PDE4D: variants seen among roughly 807,000 people sequenced by gnomAD.
The protein encoded by PDE4D is phosphodiesterase 4D.
In PDE4D, 24 loss-of-function variants were observed where a neutral mutation model predicts 87.4. That is an observed-to-expected ratio of 0.27 (90% confidence interval 0.20 to 0.39). The LOEUF is 0.39. PDE4D is among the 10% of genes least tolerant of loss of function. The probability of loss-of-function intolerance (pLI) is 1.00; values close to 1 mark genes in which losing one functional copy is unlikely to be tolerated. For synonymous variants in PDE4D, 384 were observed against 383.2 expected (o/e 1.00, Z -0.02); for missense variants, 714 against 1,041.0 (o/e 0.69, Z 4.32).
intron 5 of PDE4D, among the ~76,000 whole-genome samples, chr5:59,080,742 C>T (rs1466216839): frequency 6.6e-6 from 1 of 152,130 alleles, no homozygotes; most frequent in East Asian, 1.9e-4. Flanking sequence ...TGTACCAATC[C>T]TGACAGGTGT....
chr5:59,210,584 T>C (rs1474028989), intron 2 of PDE4D, among the ~76,000 whole-genome samples: 2 of 152,244 alleles, frequency 1.3e-5, no homozygotes, highest in Non-Finnish European at 2.9e-5. Flanking sequence ...ATCTGTATAG[T>C]GCCTGGGGAT....
intron 1 of PDE4D, among the ~76,000 whole-genome samples, chr5:59,489,902 T>C (rs1448419576): frequency 1.3e-5 from 2 of 152,204 alleles, no homozygotes; most frequent in Admixed American, 6.5e-5. Context: ...CTTACACATA[T>C]AGTAATGATA....
chr5:59,644,054 A>C (rs1742051491), intron 1 of PDE4D, among the ~76,000 whole-genome samples: 1 of 152,188 alleles, frequency 6.6e-6, no homozygotes, highest in Non-Finnish European at 1.5e-5. Context: ...GTTTAGATGA[A>C]CATTAAGGGA....
At chr5:60,304,941 A>C (rs1275668046) in intron 1 of PDE4D, among the ~76,000 whole-genome samples, 1 of 151,934 alleles carries the variant, frequency 6.6e-6, no homozygotes. Context: ...GCTGGACCAA[A>C]AAAACCCACT....
chr5:60,492,134 A>C (rs1310404235), upstream of PDE4D, among the ~76,000 whole-genome samples: 3 of 152,152 alleles, frequency 2.0e-5, no homozygotes, highest in Non-Finnish European at 4.4e-5. Context: ...TAAAAAAAAA[A>C]AAAAAAGAAA....
intron 1 of PDE4D, among the ~76,000 whole-genome samples, chr5:59,719,780 G>T (rs1755562130): frequency 6.6e-6 from 1 of 152,156 alleles, no homozygotes; most frequent in Non-Finnish European, 1.5e-5. Context: ...TCAGTGTTAA[G>T]AGATATTTTA....
intron 1 of PDE4D, among the ~76,000 whole-genome samples, chr5:59,668,845 G>GGAAGAAGAAGAAGAAGAAGAAGAAGAA (rs1208323931): frequency 3.2e-5 from 2 of 62,124 alleles, no homozygotes; most frequent in Non-Finnish European, 6.3e-5. Context: ...AAGAGGAAGA[G>GGAAGAAGAAGAAGAAGAAGAAGAAGAA]GAAGAAGAAG....
rs529280531 is a variant in PDE4D, at chr5:59,167,959, A to G, written c.808+12636T>C. 2.6e-5 allele frequency among the ~76,000 whole-genome samples: 4 copies of G among 152,304 alleles called. No homozygotes were observed. In the East Asian group the frequency reaches 7.7e-4, roughly 29 times the overall value. ...GTTCTGTGTTCAATATGCAAACATC[A>G]GAAACATATCCAGAAAAGAATGTCA... On this transcript the variant is annotated intron_variant, in intron 5 of 14. Coordinates refer to ENST00000340635, the MANE Select transcript of PDE4D (RefSeq NM_001104631.2).
intron 1 of PDE4D, among the ~76,000 whole-genome samples, chr5:60,493,777 C>T (rs983121010): frequency 5.9e-5 from 9 of 152,106 alleles, no homozygotes; most frequent in African/African-American, 1.7e-4. Flanking sequence ...ACACCCTTCC[C>T]CAGCACCCAC....
intron 1 of PDE4D, among the ~76,000 whole-genome samples, chr5:60,297,192 C>A (rs1186023523): frequency 6.6e-6 from 1 of 152,032 alleles, no homozygotes; most frequent in Non-Finnish European, 1.5e-5. Flanking sequence ...TAATAAGATT[C>A]AAAATAATTT....
At chr5:59,211,261 C>A (rs1231137236) in intron 2 of PDE4D, among the ~76,000 whole-genome samples, 1 of 152,110 alleles carries the variant, frequency 6.6e-6, no homozygotes, top group African/African-American at 2.4e-5. Context: ...ACTGCATCAT[C>A]TATATTTAAC....
At chr5:59,713,271 G>A (rs1754481720) in intron 1 of PDE4D, among the ~76,000 whole-genome samples, 1 of 152,276 alleles carries the variant, frequency 6.6e-6, no homozygotes, top group Non-Finnish European at 1.5e-5. Context: ...GCAGTCAATA[G>A]GCTGAGGCAG....
chr5:59,216,990 G>T (rs1292933886), intron 1 of PDE4D, among the ~76,000 whole-genome samples: 1 of 152,100 alleles, frequency 6.6e-6, no homozygotes, highest in Non-Finnish European at 1.5e-5. Flanking sequence ...CGTATTCTTG[G>T]CACATTGAAA....
At chr5:59,943,780 C>T (rs1047008592) in intron 3 of PDE4D, among the ~76,000 whole-genome samples, 1 of 152,152 alleles carries the variant, frequency 6.6e-6, no homozygotes, top group Non-Finnish European at 1.5e-5. Context: ...TTCCCTGCCC[C>T]TAAGGAATGA....
In PDE4D at chr5:59,905,555, A is replaced by G. The variant is rs186798203; in HGVS notation, c.272+82933T>C. On this transcript the variant is annotated intron_variant, in intron 3 of 16. Transcript: ENST00000502484. ...GCCCTGAGTTTCCGTTTCAGCTCCA[A>G]GACTTTCTAGATGTGTAACCACAGA... Among the ~76,000 whole-genome samples the G allele has an allele frequency of 3.9e-3, 589 of 152,252 alleles. 4 individuals carry two copies. Among genetic ancestry groups the G allele is most frequent in the African/African-American group, 0.012 (503 of 41,552 alleles).
intron 2 of PDE4D, among the ~76,000 whole-genome samples, chr5:60,126,029 T>C (rs1409744728): frequency 6.6e-6 from 1 of 152,142 alleles, no homozygotes; most frequent in Non-Finnish European, 1.5e-5. Context: ...GGGGGCATGG[T>C]TCTTTTGAGT....
At chr5:60,186,220 T>C (rs1161190035) in intron 1 of PDE4D, among the ~76,000 whole-genome samples, 1 of 152,192 alleles carries the variant, frequency 6.6e-6, no homozygotes, top group Non-Finnish European at 1.5e-5. Flanking sequence ...GTGAGTTATC[T>C]ACCCCTTTAG....
Position 59,320,805 on chromosome 5 carries a change from A to C in PDE4D, c.456-104837T>G, listed in dbSNP as rs750522867. 5.4e-4 allele frequency among the ~76,000 whole-genome samples: 82 copies of C among 150,980 alleles called. 1 individual carries two copies. Among genetic ancestry groups the C allele is most frequent in the Non-Finnish European group, 1.1e-3 (72 of 67,674 alleles). ...CCTCTCTCACCTCCTTTCCTCCTCT[A>C]CTCCTTCTTTTCTTTTCTTCCTTCT... On this transcript the variant is annotated intron_variant, in intron 1 of 14. Coordinates refer to ENST00000340635, the MANE Select transcript of PDE4D (RefSeq NM_001104631.2).
chr5:59,066,991 T>TTG (rs1764041452), intron 5 of PDE4D, among the ~76,000 whole-genome samples: 57 of 66,154 alleles, frequency 8.6e-4, no homozygotes, highest in African/African-American at 3.0e-3. Context: ...GCTCGTGATT[T>TTG]ATTTATTTAT....
Sources: gnomAD v4.1 joint callset for allele counts (sites outside exome capture counted in the v4.1 genomes callset) on GRCh38, gnomAD v4.1.1 for gene constraint, MANE v1.5 for transcripts, NCBI Gene and HGNC (gene_info 2026-07-23, HGNC 2026-07-21) for gene names.